PTDSS2: variants seen among roughly 807,000 people sequenced by gnomAD.
PTDSS2 encodes PSS-2.
Under a neutral mutation model 64.7 loss-of-function variants are expected in PTDSS2, and 41 were observed. The observed-to-expected ratio is 0.63, with a 90% CI of 0.49 to 0.82. The LOEUF is 0.82. Among genes scored for constraint, PTDSS2 ranks in the 40% least tolerant of loss-of-function variants. The pLI is 0.00. For synonymous variants in PTDSS2, 297 were observed against 277.8 expected, an observed-to-expected ratio of 1.07 and a Z score of -0.69; for missense variants, 485 against 650.0, an observed-to-expected ratio of 0.75 and a Z score of 2.76.
At chr11:464,897 A>C (rs760118836) in intron 2 of PTDSS2, among the ~76,000 whole-genome samples, 2 of 152,208 alleles carry the variant, frequency 1.3e-5, no homozygotes, top group Non-Finnish European at 2.9e-5. Context: ...ATATAAATAT[A>C]CTCACAGTGC....
At chr11:471,755 G>A (rs1318549119) in intron 2 of PTDSS2, among the ~76,000 whole-genome samples, 1 of 144,320 alleles carries the variant, frequency 6.9e-6, no homozygotes, top group Non-Finnish European at 1.5e-5. Flanking sequence ...ATGGTGGCCT[G>A]GGGTGACGCG....
chr11:452,141 G>A (rs895361104), intron 1 of PTDSS2, among the ~76,000 whole-genome samples: 6 of 152,060 alleles, frequency 3.9e-5, no homozygotes, highest in Non-Finnish European at 7.4e-5. Flanking sequence ...CTGACATCCC[G>A]GAGCAAGGAG....
intron 4 of PTDSS2, among the ~76,000 whole-genome samples, chr11:481,352 T>A (rs1848063554): frequency 6.6e-6 from 1 of 152,232 alleles, no homozygotes; most frequent in African/African-American, 2.4e-5. Flanking sequence ...CGTTTCCAAA[T>A]GAATGTGAGG....
rs149664601 is a variant in PTDSS2, at chr11:464,135, G to T, written c.284+3847G>T. On this transcript the variant is annotated intron_variant, in intron 2 of 11. Coordinates refer to ENST00000308020, the MANE Select transcript of PTDSS2 (RefSeq NM_030783.3). ...GTAGCTGGGACTATAGCCGTGCACCGCCACGCCCCACTAATTTTTTTATAT... is the reference window on the plus strand; with the variant it reads ...GTAGCTGGGACTATAGCCGTGCACCTCCACGCCCCACTAATTTTTTTATAT... 3.9e-3 allele frequency among the ~76,000 whole-genome samples: 587 copies of T among 151,852 alleles called. 3 individuals carry two copies. Among genetic ancestry groups the T allele is most frequent in the African/African-American group, 0.014 (571 of 41,404 alleles).
In PTDSS2 at chr11:476,935, G is replaced by T. The variant is rs927443699; in HGVS notation, c.368-2150G>T. ...TCTTCCACGCGTCTTGTTAACTTGG[G>T]GGCCGGCAGGGAGCCCTCAACTCTC... On this transcript the variant is annotated intron_variant, in intron 3 of 11. Coordinates refer to ENST00000308020, the MANE Select transcript of PTDSS2 (RefSeq NM_030783.3). This position sits in a 1 kb window ranked among gnomAD's most constrained non-coding sequence, Gnocchi z 4.9. 1.3e-5 allele frequency among the ~76,000 whole-genome samples: 2 copies of T among 152,160 alleles called. No individual in the cohort carries two copies. Among genetic ancestry groups the T allele is most frequent in the Non-Finnish European group, 2.9e-5 (2 of 68,024 alleles).
In PTDSS2 at chr11:488,250, G is replaced by T; in HGVS notation, c.673G>T (p.Glu225Ter). 1 of 1,613,598 alleles carries T rather than the reference G, an allele frequency of 6.2e-7. No homozygotes were observed. The highest frequency in any genetic ancestry group is 8.5e-7 in the Non-Finnish European group (1 of 1,179,954). ...GTGCATGATCATCAGCGTGATGTTC[G>T]AGTTCCTGGAGTACAGCCTGGAGCA... The part of the protein sequence containing the change: ...WMCMIISVMF[E>*]FLEYSLEHQL... Residue 225 changes from glutamate to a stop codon, truncating the protein, a stop_gained, in exon 7 of 12, where the codon GAG becomes TAG. Coordinates refer to ENST00000308020, the MANE Select transcript of PTDSS2 (RefSeq NM_030783.3). LOFTEE classifies it high-confidence loss of function.
At chr11:458,925 C>T (rs1846726638) in intron 1 of PTDSS2, 1 of 152,264 alleles carries the variant, frequency 6.6e-6, no homozygotes, top group Non-Finnish European at 1.5e-5. Context: ...GCATTGTTCA[C>T]TTAATTTTCA....
rs192044739 is a variant in PTDSS2, at chr11:470,180, G to A, written c.285-3715G>A. On this transcript the variant is annotated intron_variant, in intron 2 of 11. Transcript: ENST00000308020. The surrounding 1 kb of genome is among the most constrained non-coding windows in gnomAD (Gnocchi z 5.3). The stretch of plus-strand genomic sequence containing the variant: ...ACGGAGAGGGCAGTGGGAGGAGGAC[G>A]CTGCAGCCGAGGTGCCCGCAGACAC... Among the ~76,000 whole-genome samples the A allele has an allele frequency of 2.0e-4, 31 of 152,338 alleles. No homozygotes were observed. Among genetic ancestry groups the A allele is most frequent in the Admixed American group, 9.1e-4 (14 of 15,306 alleles).
intron 1 of PTDSS2, among the ~76,000 whole-genome samples, chr11:455,401 G>T (rs531158793): frequency 6.6e-6 from 1 of 152,134 alleles, no homozygotes; most frequent in Non-Finnish European, 1.5e-5. Context: ...CTCCTGTCCC[G>T]GCATCTGCAC....
rs762985339 is a variant in PTDSS2, at chr11:476,475, A to G, written c.367+2498A>G. On this transcript the variant is annotated intron_variant, in intron 3 of 11. Transcript: ENST00000308020. The surrounding 1 kb of genome is among the most constrained non-coding windows in gnomAD (Gnocchi z 4.9). ...AGAAAAGCTGCCGGAAGCTCAACCCATGGCCGTCCTTGCTTGGAGATGCAC... is the reference window on the plus strand; with the variant it reads ...AGAAAAGCTGCCGGAAGCTCAACCCGTGGCCGTCCTTGCTTGGAGATGCAC... 1.3e-5 allele frequency among the ~76,000 whole-genome samples: 2 copies of G among 152,166 alleles called. No homozygotes were observed. Among genetic ancestry groups the G allele is most frequent in the African/African-American group, 4.8e-5 (2 of 41,438 alleles).
rs572559235 is a variant in PTDSS2 at position 476,184 on chromosome 11, G to A, written c.367+2207G>A. On this transcript the variant is annotated intron_variant, in intron 3 of 11. Coordinates refer to ENST00000308020, the MANE Select transcript of PTDSS2 (RefSeq NM_030783.3). This position sits in a 1 kb window ranked among gnomAD's most constrained non-coding sequence, Gnocchi z 4.9. ...CAGGCCACTCTGCTGGCTGACAGCT[G>A]TGTGGGAAGGGCCCAGGGCCCTGTC... is the stretch of plus-strand genomic sequence containing the variant. 6.6e-6 allele frequency among the ~76,000 whole-genome samples: 1 copy of A among 152,352 alleles called. No individual in the cohort carries two copies.
Position 479,451 on chromosome 11 carries a change from A to C in PTDSS2, c.435+299A>C. ...TAGCAGGGCCACACTTAAGGAGGGC[A>C]GGGCCAGTGGTGCAGGCACAGAAGA... On this transcript the variant is annotated intron_variant, in intron 4 of 11. Coordinates refer to ENST00000308020, the MANE Select transcript of PTDSS2 (RefSeq NM_030783.3). This position sits in a 1 kb window ranked among gnomAD's most constrained non-coding sequence, Gnocchi z 4.2. 2.0e-6 allele frequency: 1 copy of C among 496,252 alleles called. No individual in the cohort carries two copies. The highest frequency in any genetic ancestry group is 3.7e-6 in the Non-Finnish European group (1 of 272,316). The allele number at this position is 496,252 out of a possible 1,614,324, so 30.7% of individuals were successfully genotyped here.
chr11:450,661 G>A lies in PTDSS2; in HGVS notation c.182+24G>A, dbSNP rs567103161. 3.8e-5 allele frequency: 47 copies of A among 1,242,768 alleles called. 2 individuals are homozygous for A. In the South Asian group the frequency reaches 1.6e-3, roughly 44 times the overall value. The allele number at this position is 1,242,768 out of a possible 1,614,324, so 77.0% of individuals were successfully genotyped here. A position where few individuals can be genotyped will look rare whatever the true frequency, so the allele number is the denominator to read the frequency against. On this transcript the variant is annotated intron_variant, in intron 1 of 11. Coordinates refer to ENST00000308020, the MANE Select transcript of PTDSS2 (RefSeq NM_030783.3). Reference sequence around the variant, plus strand: ...TGGTGAGGGCAGTGGGCGGCCGCGGGGCGGCGAGGGTGCCCTCGACCTGGG... The same window carrying A: ...TGGTGAGGGCAGTGGGCGGCCGCGGAGCGGCGAGGGTGCCCTCGACCTGGG...
chr11:490,787 T>TGTGTGTGTGTACGCGTGTAC lies in PTDSS2; in HGVS notation c.*206_*207insTGTGTGTGTACGCGTGTACG, dbSNP rs1848643238. 2 of 574,018 alleles carry TGTGTGTGTGTACGCGTGTAC rather than the reference T, an allele frequency of 3.5e-6. No homozygotes were observed. The highest frequency in any genetic ancestry group is 3.6e-5 in the Admixed American group (1 of 27,858). 35.6% of individuals were successfully genotyped at this position (574,018 alleles called of 1,614,324 possible). A position where few individuals can be genotyped will look rare whatever the true frequency, so the allele number is the denominator to read the frequency against. On this transcript the variant is annotated 3_prime_UTR_variant, in exon 12 of 12. Coordinates refer to ENST00000308020, the MANE Select transcript of PTDSS2 (RefSeq NM_030783.3). ...ATGTGTACACGTGTGTACGTGTGTA[T>TGTGTGTGTGTACGCGTGTAC]GCGTGTGTGTACGCGTGTGTACGCG...
At chr11:451,195 C>G (rs1590595252) in intron 1 of PTDSS2, among the ~76,000 whole-genome samples, 1 of 152,244 alleles carries the variant, frequency 6.6e-6, no homozygotes, top group South Asian at 2.1e-4. Context: ...GGCTCTGTTT[C>G]TCTCCTCAGT....
intron 5 of PTDSS2, 60 bp from the exon 6 acceptor site, chr11:487,360 G>A (rs1011850957): frequency 6.4e-5 from 94 of 1,468,616 alleles, no homozygotes; most frequent in Non-Finnish European, 8.0e-5. Context: ...CTGATCTGCC[G>A]GTGTGGGGAG....
Position 486,859 on chromosome 11 carries a change from A to T in PTDSS2, c.436-80A>T, listed in dbSNP as rs1436415147. 5.3e-6 allele frequency: 8 copies of T among 1,505,664 alleles called. No individual in the cohort carries two copies. The East Asian group carries it at 1.9e-4, about 35-fold the overall frequency. 93.3% of individuals were successfully genotyped at this position (1,505,664 alleles called of 1,614,324 possible). A position where few individuals can be genotyped will look rare whatever the true frequency, so the allele number is the denominator to read the frequency against. Reference sequence around the variant, plus strand: ...CGAGACTCCATCTCAAAAAAATAAAATAAATAAACAACCATGATCTCCCGT... The same window carrying T: ...CGAGACTCCATCTCAAAAAAATAAATTAAATAAACAACCATGATCTCCCGT... On this transcript the variant is annotated intron_variant, in intron 4 of 11. Coordinates refer to ENST00000308020, the MANE Select transcript of PTDSS2 (RefSeq NM_030783.3).
At position 479,564 on chromosome 11, in the gene PTDSS2, C is replaced by T. The variant is rs1431839635; in HGVS notation, c.435+412C>T. On this transcript the variant is annotated intron_variant, in intron 4 of 11. Transcript: ENST00000308020. The surrounding 1 kb of genome is among the most constrained non-coding windows in gnomAD (Gnocchi z 4.2). ...GGTGGGGACTGGGCGTGAAGGGAGC[C>T]GCAAGTCAGGTCCTGCGATGCAGGC... 3 of 231,834 alleles carry T rather than the reference C, an allele frequency of 1.3e-5. No homozygotes were observed. Among genetic ancestry groups the T allele is most frequent in the East Asian group, 1.3e-4 (1 of 7,984 alleles). 14.4% of individuals were successfully genotyped at this position (231,834 alleles called of 1,614,324 possible). A position where few individuals can be genotyped will look rare whatever the true frequency, so the allele number is the denominator to read the frequency against.
rs531609962 is a variant in PTDSS2 at position 462,476 on chromosome 11, T to C, written c.284+2188T>C. Among the ~76,000 whole-genome samples the C allele has an allele frequency of 6.6e-6, 1 of 152,242 alleles. No individual in the cohort carries two copies. Among genetic ancestry groups the C allele is most frequent in the East Asian group, 1.9e-4 (1 of 5,176 alleles). ...ACGCGCTCCCAACTCACATTCTCTT[T>C]CCCCCTCACCCTCTTTGAGGGCACA... On this transcript the variant is annotated intron_variant, in intron 2 of 11. Coordinates refer to ENST00000308020, the MANE Select transcript of PTDSS2 (RefSeq NM_030783.3). This position sits in a 1 kb window ranked among gnomAD's most constrained non-coding sequence, Gnocchi z 4.5.
Sources: allele counts gnomAD v4.1 joint callset (sites outside exome capture counted in the v4.1 genomes callset), GRCh38; gene constraint gnomAD v4.1.1; non-coding constraint Gnocchi (gnomAD v3.1); transcripts MANE v1.5; gene names NCBI Gene and HGNC (gene_info 2026-07-23, HGNC 2026-07-21).